The following XDH variants were observed in gnomAD, a reference collection of about 807,000 sequenced individuals.
XDH encodes the protein xanthine dehydrogenase/oxidase.
Under a neutral mutation model 156.1 loss-of-function variants are expected in XDH, and 138 were observed. The ratio of observed to expected loss-of-function variants is 0.88; its 90% CI spans 0.77 to 1.02. The LOEUF is 1.02. Ranked by LOEUF, XDH falls within the 50% of genes least tolerant of loss-of-function variation. The probability of loss-of-function intolerance (pLI) is 0.00; values close to 1 mark genes in which losing one functional copy is unlikely to be tolerated. For synonymous variants in XDH, 669 were observed against 625.7 expected, an observed-to-expected ratio of 1.07 and a Z score of -1.03; for missense variants, 1,849 against 1,684.9, an observed-to-expected ratio of 1.10 and a Z score of -1.71.
intron 5 of XDH, 35 bp from the exon 6 acceptor site, chr2:31,397,764 A>G: frequency 1.9e-6 from 3 of 1,613,548 alleles, no homozygotes; most frequent in Middle Eastern, 3.3e-4. Flanking sequence ...ATGTCAGTGC[A>G]GGGCCCTGGG....
At chr2:31,349,516 C>T (rs558115282) in intron 26 of XDH, among the ~76,000 whole-genome samples, 170 bp downstream of exon 26, 9 of 152,240 alleles carry the variant, frequency 5.9e-5, no homozygotes, top group East Asian at 1.9e-4. Context: ...CCACCTGCCC[C>T]GGGCTGAAGA....
chr2:31,351,998 T>C (rs560813506), intron 24 of XDH, among the ~76,000 whole-genome samples: 25 of 152,334 alleles, frequency 1.6e-4, no homozygotes, highest in African/African-American at 5.8e-4. Flanking sequence ...ATTGTGCTGG[T>C]TATTATATGG....
intron 1 of XDH, among the ~76,000 whole-genome samples, chr2:31,413,395 G>A (rs1687392868): frequency 6.6e-6 from 1 of 152,164 alleles, no homozygotes; most frequent in Non-Finnish European, 1.5e-5. Flanking sequence ...CCCTGAAAAG[G>A]ATGCAGCTCA....
At chr2:31,397,593 C>A in intron 6 of XDH, 75 bp downstream of exon 6, 2 of 1,579,270 alleles carry the variant, frequency 1.3e-6, no homozygotes, top group South Asian at 2.2e-5. Flanking sequence ...GGCCCTTGGT[C>A]TCCCTCCCCA....
In XDH at chr2:31,350,813, A is replaced by C. The variant is rs538812168; in HGVS notation, c.2632-590T>G. 1.2e-4 allele frequency among the ~76,000 whole-genome samples: 19 copies of C among 152,336 alleles called. No homozygotes were observed. In the South Asian group the frequency reaches 3.9e-3, roughly 32 times the overall value. The stretch of plus-strand genomic sequence containing the variant: ...AACTTTTAAAAATTCATTGTAAATT[A>C]GTTAATGAAAACTATGAAACAGCCA... On this transcript the variant is annotated intron_variant, in intron 24 of 35. Transcript: ENST00000379416.
chr2:31,348,416 A>T (rs1030453449), intron 27 of XDH, 53 bp from the exon 28 acceptor site: 4 of 1,564,546 alleles, frequency 2.6e-6, no homozygotes, highest in Non-Finnish European at 2.6e-6. Flanking sequence ...CCAACTCATT[A>T]AGGTTTGGGA....
Position 31,372,360 on chromosome 2 carries a change from C to T in XDH, c.1724G>A (p.Gly575Asp). Residue 575 changes from glycine to aspartate, a missense_variant, in exon 17 of 36, where the codon GGC becomes GAC. By Grantham distance (94) the Gly-to-Asp change is moderately conservative. Coordinates refer to ENST00000379416, the MANE Select transcript of XDH (RefSeq NM_000379.4). ...CGCTGCCAGGTGGGGCAGGGGCCGG[C>T]CCACCATGTCCTCCTCAGACTGACC... The part of the protein sequence containing the change: ...PKGQSEEDMV[G>D]RPLPHLAADM... 6.2e-7 allele frequency: 1 copy of T among 1,614,144 alleles called. No homozygotes were observed. Among genetic ancestry groups the T allele is most frequent in the Non-Finnish European group, 8.5e-7 (1 of 1,180,038 alleles).
chr2:31,398,433 C>A, intron 5 of XDH, 140 bp downstream of exon 5: 1 of 1,501,584 alleles, frequency 6.7e-7, no homozygotes. Context: ...TCTAGCAGAT[C>A]TTAGTCACCA....
In XDH at chr2:31,383,297, A is replaced by G; in HGVS notation, c.887-145T>C. 2.3e-6 allele frequency: 3 copies of G among 1,299,028 alleles called. No homozygotes were observed. In the South Asian group the frequency reaches 3.9e-5, roughly 17 times the overall value. The allele number at this position is 1,299,028 out of a possible 1,614,324, so 80.5% of individuals were successfully genotyped here. ...TCCATGGATGAGGAAATGAGGGCCC[A>G]GAGTGGTTGAGTGACCTAACCAATG... On this transcript the variant is annotated intron_variant, in intron 10 of 35. Coordinates refer to ENST00000379416, the MANE Select transcript of XDH (RefSeq NM_000379.4).
At chr2:31,342,067 A>T in intron 32 of XDH, 116 bp downstream of exon 32, 1 of 944,004 alleles carries the variant, frequency 1.1e-6, no homozygotes, top group Non-Finnish European at 1.7e-6. Flanking sequence ...GCCTATCCTT[A>T]ATGGAAGGCA....
At chr2:31,398,335 C>T (rs996932062) in intron 5 of XDH, among the ~76,000 whole-genome samples, 12 of 152,204 alleles carry the variant, frequency 7.9e-5, no homozygotes, top group African/African-American at 2.9e-4. Flanking sequence ...GGCAGACAGA[C>T]ACCTCAGAAA....
rs45612037 is a variant in XDH at position 31,404,479 on chromosome 2, C to T, written c.101-1335G>A. On this transcript the variant is annotated intron_variant, in intron 2 of 35. Transcript: ENST00000379416. ...CACAGATAGCCATAAGCTGCAAGGT[C>T]ATCCTACTTATGTGCCAACTTTCAG... 1.8e-3 allele frequency among the ~76,000 whole-genome samples: 274 copies of T among 152,320 alleles called. 1 individual carries two copies. Among genetic ancestry groups the T allele is most frequent in the African/African-American group, 6.4e-3 (265 of 41,562 alleles).
intron 1 of XDH, among the ~76,000 whole-genome samples, chr2:31,411,107 C>A (rs554528706): frequency 2.0e-5 from 3 of 151,758 alleles, no homozygotes; most frequent in Admixed American, 2.0e-4. Flanking sequence ...GATGGTAGAA[C>A]CCCAACTCTA....
rs373954051 is a variant in XDH at position 31,350,026 on chromosome 2, G to A, written c.2823+6C>T. ...TCTGACTTGTGCTACCAAATTCTCAGCTTACCTCCTCTGCAGGCATCCCAC... is the reference window on the plus strand; with the variant it reads ...TCTGACTTGTGCTACCAAATTCTCAACTTACCTCCTCTGCAGGCATCCCAC... On this transcript the variant is annotated splice_donor_region_variant and intron_variant, in intron 25 of 35. Transcript: ENST00000379416. 2 of 1,613,616 alleles carry A rather than the reference G, an allele frequency of 1.2e-6. No homozygotes were observed. The highest frequency in any genetic ancestry group is 2.7e-5 in the African/African-American group (2 of 74,884).
At chr2:31,390,200 A>G (rs1192561290) in intron 6 of XDH, among the ~76,000 whole-genome samples, 1 of 152,218 alleles carries the variant, frequency 6.6e-6, no homozygotes, top group East Asian at 1.9e-4. Context: ...ATCACTGGCA[A>G]CCACTAGTCT....
At chr2:31,383,868 G>A (rs748809951) in intron 9 of XDH, 21 bp from the exon 10 acceptor site, 1 of 1,608,902 alleles carries the variant, frequency 6.2e-7, no homozygotes, top group East Asian at 2.2e-5. Flanking sequence ...ACAAGAAGCT[G>A]AAGTTGTAGG....
chr2:31,344,628 A>G (rs1685230084), intron 31 of XDH, 56 bp downstream of exon 31: 6 of 1,599,380 alleles, frequency 3.8e-6, no homozygotes, highest in African/African-American at 1.3e-5. Flanking sequence ...GGAGTGGACC[A>G]GTGAGGTTAG....
chr2:31,398,878 G>A (rs1406503535), intron 4 of XDH, among the ~76,000 whole-genome samples, 179 bp from the exon 5 acceptor site: 1 of 152,166 alleles, frequency 6.6e-6, no homozygotes, highest in East Asian at 1.9e-4. Flanking sequence ...AGCCCTCTGA[G>A]TCTAGGTTCT....
rs139272198 is a variant in XDH, at chr2:31,365,980, A to G, written c.2452T>C (p.Tyr818His). ...GAAACAGGCTTTGGAACTCACTTATATGCAGCCAGGGCCACTGCCGTGGAC... is the reference window on the plus strand; with the variant it reads ...GAAACAGGCTTTGGAACTCACTTATGTGCAGCCAGGGCCACTGCCGTGGAC... ...VVSTAVALAAYKTGRPVRCML... is the reference protein window; with the variant it reads ...VVSTAVALAAHKTGRPVRCML... Residue 818 changes from tyrosine to histidine, a missense_variant, in exon 22 of 36, where the codon TAT becomes CAT. Tyr to His is a moderately conservative substitution (Grantham distance 83, BLOSUM62 2). Coordinates refer to ENST00000379416, the MANE Select transcript of XDH (RefSeq NM_000379.4). 656 of 1,614,032 alleles carry G rather than the reference A, an allele frequency of 4.1e-4. 1 individual carries two copies. Among genetic ancestry groups the G allele is most frequent in the Admixed American group, 8.5e-4 (51 of 59,990 alleles).
Sources: gnomAD v4.1 joint callset for allele counts (sites outside exome capture counted in the v4.1 genomes callset) on GRCh38, gnomAD v4.1.1 for gene constraint, MANE v1.5 for transcripts, NCBI Gene and HGNC (gene_info 2026-07-23, HGNC 2026-07-21) for gene names.